CCDC7: variants seen among roughly 807,000 people sequenced by gnomAD.
The protein encoded by CCDC7 is coiled-coil domain containing 7, also known as coiled-coil domain-containing protein 7.
Under a neutral mutation model 196.9 loss-of-function variants are expected in CCDC7, and 183 were observed. The observed-to-expected ratio is 0.93, with a 90% CI of 0.82 to 1.05. The LOEUF (loss-of-function observed/expected upper bound fraction) is 1.05. Ranked by LOEUF, CCDC7 falls within the 50% of genes least tolerant of loss-of-function variation. The pLI, the probability that CCDC7 is intolerant of heterozygous loss-of-function variation, is 0.00. For missense variants in CCDC7, 1,540 were observed against 1,482.2 expected (o/e 1.04, Z -0.64); for synonymous variants, 525 against 484.6 (o/e 1.08, Z -1.10).
At chr10:32,545,160 A>G (rs1488541829) in intron 13 of CCDC7, among the ~76,000 whole-genome samples, 1 of 152,156 alleles carries the variant, frequency 6.6e-6, no homozygotes, top group Non-Finnish European at 1.5e-5. Context: ...GCATTACTTG[A>G]AGACAACAGT....
At chr10:32,487,689 A>G (rs541671839) in intron 8 of CCDC7, among the ~76,000 whole-genome samples, 4 of 151,962 alleles carry the variant, frequency 2.6e-5, no homozygotes, top group African/African-American at 7.2e-5. Context: ...CTGTTTGTTA[A>G]TTTTCCTTCC....
intron 16 of CCDC7, among the ~76,000 whole-genome samples, chr10:32,581,008 G>A (rs2058685533): frequency 6.6e-6 from 1 of 152,050 alleles, no homozygotes; most frequent in Non-Finnish European, 1.5e-5. Flanking sequence ...ATAATAAATA[G>A]TGCCCTTGTA....
chr10:32,467,747 G>A (rs182340032), intron 5 of CCDC7, among the ~76,000 whole-genome samples: 1 of 152,264 alleles, frequency 6.6e-6, no homozygotes, highest in African/African-American at 2.4e-5. Context: ...TATTCATCTT[G>A]AGTTAATTTT....
intron 18 of CCDC7, among the ~76,000 whole-genome samples, chr10:32,586,327 T>C (rs867659165): frequency 3.9e-4 from 59 of 152,164 alleles, no homozygotes; most frequent in African/African-American, 1.1e-3. Context: ...TGTAGGCTGC[T>C]TGTTCACTCT....
At chr10:32,655,932 C>G (rs1475401269) in intron 20 of CCDC7, among the ~76,000 whole-genome samples, 1 of 152,104 alleles carries the variant, frequency 6.6e-6, no homozygotes, top group African/African-American at 2.4e-5. Flanking sequence ...TGATTGCATT[C>G]CTTACGTATT....
chr10:32,601,914 A>G (rs1471014348), intron 18 of CCDC7, among the ~76,000 whole-genome samples: 1 of 152,138 alleles, frequency 6.6e-6, no homozygotes, highest in Non-Finnish European at 1.5e-5. Context: ...ACCAATCAGC[A>G]CTCTGTGAAA....
intron 1 of CCDC7, among the ~76,000 whole-genome samples, chr10:32,452,488 C>T (rs1416163404): frequency 1.3e-5 from 2 of 152,212 alleles, no homozygotes; most frequent in Admixed American, 6.5e-5. Context: ...GATGAAGTCT[C>T]GCTCTTTCGC....
At chr10:32,757,723 G>T (rs1329810346) in intron 28 of CCDC7, among the ~76,000 whole-genome samples, 1 of 152,058 alleles carries the variant, frequency 6.6e-6, no homozygotes. Context: ...ACATTCAAAA[G>T]CTAGCAGAAG....
At chr10:32,690,525 G>T (rs144810904) in intron 23 of CCDC7, among the ~76,000 whole-genome samples, 2 of 152,254 alleles carry the variant, frequency 1.3e-5, no homozygotes, top group East Asian at 1.9e-4. Flanking sequence ...GGTGGCCAGG[G>T]CTGTAATATA....
At chr10:32,561,004 A>AT (rs1009379858) in intron 13 of CCDC7, among the ~76,000 whole-genome samples, 4 of 151,196 alleles carry the variant, frequency 2.6e-5, no homozygotes, top group African/African-American at 9.7e-5. Flanking sequence ...ACAAAAAAAA[A>AT]GGCAGGGATT....
intron 18 of CCDC7, among the ~76,000 whole-genome samples, chr10:32,591,306 T>A (rs955436270): frequency 5.3e-5 from 8 of 152,080 alleles, no homozygotes; most frequent in African/African-American, 7.2e-5. Context: ...GCCTGATCAG[T>A]TCTGCTATTA....
At position 32,693,280 on chromosome 10, in the gene CCDC7, G is replaced by A. The variant is rs2077298333; in HGVS notation, c.2345-1599G>A. ...ATATATGCAAAAAGTTATACTTAGAGGAGTATATTTTCTTCCCCAGTCCTC... is the reference window on the plus strand; with the variant it reads ...ATATATGCAAAAAGTTATACTTAGAAGAGTATATTTTCTTCCCCAGTCCTC... On this transcript the variant is annotated intron_variant, in intron 23 of 41. Transcript: ENST00000639629. Among the ~76,000 whole-genome samples, 4 of 152,216 alleles carry A rather than the reference G, an allele frequency of 2.6e-5. No individual in the cohort carries two copies. In the South Asian group the frequency reaches 6.2e-4, roughly 24 times the overall value.
At chr10:32,638,139 A>G (rs1458401738) in intron 20 of CCDC7, among the ~76,000 whole-genome samples, 1 of 152,148 alleles carries the variant, frequency 6.6e-6, no homozygotes, top group Non-Finnish European at 1.5e-5. Context: ...GGCTGAGACG[A>G]TGGGGTTTTC....
At chr10:32,475,008 G>A (rs574483285) in intron 8 of CCDC7, among the ~76,000 whole-genome samples, 7 of 152,286 alleles carry the variant, frequency 4.6e-5, no homozygotes, top group Non-Finnish European at 1.0e-4. Flanking sequence ...GAGATTTCTG[G>A]TTGAAGAGAG....
chr10:32,511,347 T>C (rs887625554), intron 9 of CCDC7: 18 of 1,603,164 alleles, frequency 1.1e-5, no homozygotes, highest in Middle Eastern at 1.7e-4. Context: ...TTGGCAACTT[T>C]TGATGCATTT....
chr10:32,635,920 C>G (rs72780316), intron 20 of CCDC7, among the ~76,000 whole-genome samples: 12,993 of 152,096 alleles, frequency 0.085, 871 homozygotes, highest in South Asian at 0.25. Context: ...CTTTGTCCTT[C>G]CTATTTTATC....
At chr10:32,717,651 G>A (rs1012249062) in intron 25 of CCDC7, among the ~76,000 whole-genome samples, 21 of 151,942 alleles carry the variant, frequency 1.4e-4, no homozygotes, top group African/African-American at 4.4e-4. Flanking sequence ...AAGAGGAAAC[G>A]AGAGAAGAAT....
chr10:32,676,230 TA>T (rs1208560011), intron 21 of CCDC7, among the ~76,000 whole-genome samples: 1 of 131,992 alleles, frequency 7.6e-6, no homozygotes, highest in Non-Finnish European at 1.6e-5. Context: ...TCACGTGGAT[TA>T]AAGACTTAAA....
intron 25 of CCDC7, among the ~76,000 whole-genome samples, chr10:32,717,343 G>A (rs2081752751): frequency 6.6e-6 from 1 of 152,126 alleles, no homozygotes; most frequent in Admixed American, 6.5e-5. Flanking sequence ...TGAGAACAAA[G>A]ACACAATGTA....
Sources: allele counts gnomAD v4.1 joint callset (sites outside exome capture counted in the v4.1 genomes callset), GRCh38; gene constraint gnomAD v4.1.1; transcripts MANE v1.5; gene names NCBI Gene and HGNC (gene_info 2026-07-23, HGNC 2026-07-21).